Variants in NAV3 observed in about 807,000 individuals in gnomAD.
The protein encoded by NAV3 is pore membrane and/or filament interacting like protein 1.
Under a neutral mutation model 244.7 loss-of-function variants are expected in NAV3, and 87 were observed. The observed-to-expected ratio is 0.36, with a 90% CI of 0.30 to 0.42. The LOEUF (loss-of-function observed/expected upper bound fraction) is 0.42, where lower values mean the gene tolerates loss of function less well. Among genes scored for constraint, NAV3 ranks in the 20% least tolerant of loss-of-function variants. The pLI is 1.00. For missense variants in NAV3, 2,663 were observed against 2,893.3 expected (o/e 0.92, Z 1.83); for synonymous variants, 1,126 against 1,042.2 (o/e 1.08, Z -1.55).
intron 1 of NAV3, among the ~76,000 whole-genome samples, chr12:77,865,263 C>G (rs1269902000): frequency 6.6e-6 from 1 of 151,922 alleles, no homozygotes; most frequent in Non-Finnish European, 1.5e-5. Context: ...TTTTATTTTA[C>G]TTTAAAGCGA....
At chr12:77,655,794 G>A (rs544949674) in intron 2 of NAV3, among the ~76,000 whole-genome samples, 14 of 152,142 alleles carry the variant, frequency 9.2e-5, no homozygotes, top group Middle Eastern at 6.8e-3. Context: ...GAGAGTGGGG[G>A]CCAATATTCA....
chr12:77,694,511 A>G (rs1875201252), intron 2 of NAV3, among the ~76,000 whole-genome samples: 1 of 151,744 alleles, frequency 6.6e-6, no homozygotes, highest in Non-Finnish European at 1.5e-5. Context: ...TCTTCCTTTG[A>G]AGCTATAACA....
chr12:77,965,298 A>G (rs951020243), intron 3 of NAV3, among the ~76,000 whole-genome samples: 1 of 152,250 alleles, frequency 6.6e-6, no homozygotes, highest in Middle Eastern at 3.4e-3. Flanking sequence ...ATGAATATAA[A>G]CTGGTAATCA....
rs555298186 is a variant in NAV3, at chr12:77,962,624, C to A, written c.415-3605C>A. Among the ~76,000 whole-genome samples, 14 of 152,250 alleles carry A rather than the reference C, an allele frequency of 9.2e-5. No individual in the cohort carries two copies. In the South Asian group the frequency reaches 2.7e-3, roughly 29 times the overall value. ...CCTTGAATATGCCCCGTACTGCATA[C>A]CACCTGCCACGAACCCCACCAGAAA... On this transcript the variant is annotated intron_variant, in intron 3 of 39. Transcript: ENST00000397909.
At chr12:77,771,782 G>A (rs990437058) in intron 2 of NAV3, among the ~76,000 whole-genome samples, 1 of 152,198 alleles carries the variant, frequency 6.6e-6, no homozygotes, top group Admixed American at 6.5e-5. Context: ...GGAGAGGGGA[G>A]GGATAGCATT....
rs574646637 is a variant in NAV3, at chr12:77,605,227, ACT to A, written c.72+32965_72+32966del. Among the ~76,000 whole-genome samples, 720 of 152,154 alleles carry A rather than the reference ACT, an allele frequency of 4.7e-3. 5 individuals are homozygous for A. The highest frequency in any genetic ancestry group is 0.017 in the African/African-American group (686 of 41,522). ...TCAATCATCTCAATAAAGCTTCTAT[ACT>A]CTCAGTTTACTCTTCTGTAAAATGG... On this transcript the variant is annotated intron_variant, in intron 2 of 8. Coordinates refer to the NAV3 transcript ENST00000550042.
chr12:77,935,303 C>A (rs1291378345), intron 1 of NAV3, among the ~76,000 whole-genome samples: 1 of 152,080 alleles, frequency 6.6e-6, no homozygotes, highest in Admixed American at 6.6e-5. Flanking sequence ...ATAGCAGGTT[C>A]ACTTCTCAAA....
chr12:78,181,033 G>A lies in NAV3; in HGVS notation c.5680G>A (p.Ala1894Thr), dbSNP rs2139738710. 1 of 1,612,846 alleles carries A rather than the reference G, an allele frequency of 6.2e-7. No homozygotes were observed. ...TCTAAACAATTTGAACATCACAGAG[G>A]CTGTTAGCTCAGGTGATTTAGTGCA... ...LSLNNLNITE[A>T]VSSDILLDDA... is the part of the protein sequence containing the mutation. Residue 1894 changes from alanine (A) to threonine (T), a missense_variant, in exon 30 of 40, where the codon GCT becomes ACT. Around this residue, in one of 6 missense-constraint regions of NAV3, gnomAD observed 543 missense variants for 672.4 expected, o/e 0.81. Coordinates refer to ENST00000397909, the MANE Select transcript of NAV3 (RefSeq NM_001024383.2).
At chr12:77,821,447 A>T (rs1872742022) in intron 2 of NAV3, among the ~76,000 whole-genome samples, 1 of 152,202 alleles carries the variant, frequency 6.6e-6, no homozygotes, top group Admixed American at 6.5e-5. Flanking sequence ...TCTGCAATAA[A>T]GCAGGAGATG....
intron 2 of NAV3, among the ~76,000 whole-genome samples, chr12:77,586,128 C>G (rs1380420821): frequency 1.3e-5 from 2 of 151,266 alleles, no homozygotes; most frequent in African/African-American, 2.4e-5. Context: ...CGCCACTGCA[C>G]TCCAGCCTGG....
At chr12:77,750,991 C>T (rs989541292) in intron 2 of NAV3, among the ~76,000 whole-genome samples, 2 of 152,194 alleles carry the variant, frequency 1.3e-5, no homozygotes, top group African/African-American at 4.8e-5. Context: ...AGTCTCACAA[C>T]TAACTGTGAG....
chr12:78,125,996 G>A (rs1414130134), intron 16 of NAV3, among the ~76,000 whole-genome samples: 1 of 151,960 alleles, frequency 6.6e-6, no homozygotes, highest in Non-Finnish European at 1.5e-5. Flanking sequence ...TAGCACATGT[G>A]GTTCATATTT....
chr12:77,896,042 AAT>A (rs1239090843), intron 1 of NAV3, among the ~76,000 whole-genome samples: 2 of 151,754 alleles, frequency 1.3e-5, no homozygotes, highest in Admixed American at 6.6e-5. Context: ...AGAAAGTGCC[AAT>A]GTTAGAAAAT....
chr12:78,001,510 T>G (rs1873304750), intron 7 of NAV3, among the ~76,000 whole-genome samples: 1 of 152,184 alleles, frequency 6.6e-6, no homozygotes, highest in Non-Finnish European at 1.5e-5. Flanking sequence ...AACAAATTGT[T>G]GAAAGTACAG....
chr12:77,970,673 A>G (rs990783423), intron 5 of NAV3, among the ~76,000 whole-genome samples: 8 of 152,090 alleles, frequency 5.3e-5, no homozygotes, highest in Admixed American at 6.6e-5. Context: ...GTGAGATTGT[A>G]TAAGACTCAT....
chr12:78,153,400 A>G (rs955734778), intron 22 of NAV3, among the ~76,000 whole-genome samples: 5 of 152,070 alleles, frequency 3.3e-5, no homozygotes, highest in African/African-American at 1.2e-4. Flanking sequence ...ATGTCCTTAG[A>G]AAGGAGAGCG....
At chr12:77,700,092 C>T (rs777861222) in intron 2 of NAV3, among the ~76,000 whole-genome samples, 4 of 152,054 alleles carry the variant, frequency 2.6e-5, no homozygotes, top group Non-Finnish European at 4.4e-5. Flanking sequence ...TTCTGTGCTT[C>T]GATACAAACC....
chr12:78,210,157 C>A (rs967323122), intron 39 of NAV3, among the ~76,000 whole-genome samples: 1 of 152,160 alleles, frequency 6.6e-6, no homozygotes, highest in Non-Finnish European at 1.5e-5. Flanking sequence ...AGTATTCATT[C>A]ACAACCCCAA....
chr12:77,814,662 T>A (rs1280947713), intron 2 of NAV3, among the ~76,000 whole-genome samples: 1 of 152,086 alleles, frequency 6.6e-6, no homozygotes, highest in Non-Finnish European at 1.5e-5. Context: ...CCTACTTTCG[T>A]CCTTAATTAG....
Sources: allele counts gnomAD v4.1 joint callset (sites outside exome capture counted in the v4.1 genomes callset), GRCh38; gene constraint gnomAD v4.1.1; regional missense constraint gnomAD v4.1.1; transcripts MANE v1.5; gene names NCBI Gene and HGNC (gene_info 2026-07-23, HGNC 2026-07-21).